GNG12: variants seen among roughly 807,000 people sequenced by gnomAD.
The protein encoded by GNG12 is G protein subunit gamma 12.
For synonymous variants in GNG12, 28 were observed against 29.7 expected (o/e 0.94, Z 0.19); for missense variants, 69 against 83.8 (o/e 0.82, Z 0.69).
At chr1:67,767,784 T>C (rs1178869841) in intron 2 of GNG12, among the ~76,000 whole-genome samples, 1 of 152,252 alleles carries the variant, frequency 6.6e-6, no homozygotes, top group Admixed American at 6.5e-5. Flanking sequence ...TAAGTTTAGT[T>C]GATGTAGCTT....
At chr1:67,787,036 A>AGAGTGTGTGT (rs374559466) in intron 1 of GNG12, among the ~76,000 whole-genome samples, 1 of 131,368 alleles carries the variant, frequency 7.6e-6, no homozygotes, top group Non-Finnish European at 1.6e-5. Flanking sequence ...TATGTGTATA[A>AGAGTGTGTGT]GTGTGTGTGT....
At chr1:67,820,776 T>C (rs1207705366) in intron 1 of GNG12, among the ~76,000 whole-genome samples, 1 of 152,192 alleles carries the variant, frequency 6.6e-6, no homozygotes, top group Non-Finnish European at 1.5e-5. Context: ...AGTGAGAAAG[T>C]GTATGTGAAG....
chr1:67,819,320 T>C (rs1274091533), intron 1 of GNG12, among the ~76,000 whole-genome samples: 1 of 152,084 alleles, frequency 6.6e-6, no homozygotes, highest in Admixed American at 6.5e-5. Flanking sequence ...ATGAGATCAG[T>C]TTTCAGCAAA....
At chr1:67,734,217 C>T (rs1231752014) in intron 2 of GNG12, among the ~76,000 whole-genome samples, 1 of 151,620 alleles carries the variant, frequency 6.6e-6, no homozygotes, top group Non-Finnish European at 1.5e-5. Flanking sequence ...GGGCTGCTAT[C>T]TAGTACAAGC....
intron 3 of GNG12, among the ~76,000 whole-genome samples, chr1:67,706,809 G>A (rs1019562694): frequency 6.6e-6 from 1 of 151,818 alleles, no homozygotes; most frequent in African/African-American, 2.4e-5. Flanking sequence ...GCGTGCGCAC[G>A]CCACCGTGCC....
intron 1 of GNG12, among the ~76,000 whole-genome samples, chr1:67,802,995 T>A (rs1453982176): frequency 6.6e-6 from 1 of 152,192 alleles, no homozygotes; most frequent in East Asian, 1.9e-4. Flanking sequence ...AATGATGAAG[T>A]CCAGAAAAAG....
At chr1:67,719,523 A>C (rs898192486) in intron 2 of GNG12, among the ~76,000 whole-genome samples, 4 of 152,196 alleles carry the variant, frequency 2.6e-5, no homozygotes, top group African/African-American at 9.6e-5. Context: ...GCTTTCAAAA[A>C]GGTCTATAAC....
At position 67,704,413 on chromosome 1, in the gene GNG12, AGAAAGACACAG is replaced by A. The variant is rs1263752372; in HGVS notation, c.*1027_*1037del. 2 of 152,248 alleles carry A rather than the reference AGAAAGACACAG, an allele frequency of 1.3e-5. No individual in the cohort carries two copies. The highest frequency in any genetic ancestry group is 1.9e-4 in the East Asian group (1 of 5,198). 9.4% of individuals were successfully genotyped at this position (152,248 alleles called of 1,614,324 possible). On this transcript the variant is annotated 3_prime_UTR_variant, in exon 4 of 4. Coordinates refer to ENST00000370982, the MANE Select transcript of GNG12 (RefSeq NM_018841.6). ...TGCAAACAGATGCTCTGGTAAGAGA[AGAAAGACACAG>A]GGAAGGCAGAGAGAGCAAGACAGAG... is the stretch of plus-strand genomic sequence containing the variant.
chr1:67,773,076 G>T (rs970412463), intron 2 of GNG12, among the ~76,000 whole-genome samples: 1 of 152,180 alleles, frequency 6.6e-6, no homozygotes, highest in Non-Finnish European at 1.5e-5. Flanking sequence ...TAAGTCAAGA[G>T]ACTAGTTTAA....
chr1:67,710,909 A>G (rs1164635088), intron 2 of GNG12, among the ~76,000 whole-genome samples: 1 of 152,174 alleles, frequency 6.6e-6, no homozygotes, highest in Non-Finnish European at 1.5e-5. Flanking sequence ...TATGTTGAGA[A>G]TAAATGGGTA....
At chr1:67,799,533 C>T (rs891636419) in intron 1 of GNG12, among the ~76,000 whole-genome samples, 1 of 152,106 alleles carries the variant, frequency 6.6e-6, no homozygotes, top group African/African-American at 2.4e-5. Flanking sequence ...ATAAACTTTG[C>T]TAGAGGACTT....
intron 1 of GNG12, among the ~76,000 whole-genome samples, chr1:67,818,966 T>C (rs930022738): frequency 1.3e-5 from 2 of 152,072 alleles, no homozygotes; most frequent in African/African-American, 2.4e-5. Flanking sequence ...TGCGATGCCT[T>C]TGGGGAACTC....
chr1:67,769,236 T>TGG (rs887945274), intron 2 of GNG12, among the ~76,000 whole-genome samples: 2 of 152,078 alleles, frequency 1.3e-5, no homozygotes, highest in African/African-American at 4.8e-5. Flanking sequence ...CACCATGGGT[T>TGG]GGGGGGTCTA....
chr1:67,744,337 C>T (rs926080428), intron 2 of GNG12, among the ~76,000 whole-genome samples: 1 of 152,162 alleles, frequency 6.6e-6, no homozygotes, highest in African/African-American at 2.4e-5. Context: ...CTGGGTTAAA[C>T]AGCAGAGTTT....
chr1:67,738,871 C>T lies in GNG12; in HGVS notation c.-26-31159G>A, dbSNP rs552486587. 5.3e-5 allele frequency among the ~76,000 whole-genome samples: 8 copies of T among 152,158 alleles called. No individual in the cohort carries two copies. The East Asian group carries it at 9.7e-4, about 18-fold the overall frequency. ...TCCATTCTGGGCAACACAGCAACAC[C>T]TTGGCTTTTAAAACAACAGAAATGG... On this transcript the variant is annotated intron_variant, in intron 2 of 3. Transcript: ENST00000370982.
At chr1:67,820,623 G>A (rs940307565) in intron 1 of GNG12, among the ~76,000 whole-genome samples, 12 of 152,104 alleles carry the variant, frequency 7.9e-5, no homozygotes, top group African/African-American at 1.4e-4. Context: ...ACAGCAAAAC[G>A]GTGCCATGAA....
rs192095847 is a variant in GNG12 at position 67,712,289 on chromosome 1, C to G, written c.-26-4577G>C. Reference sequence around the variant, plus strand: ...ACAATACCTGATATTTGTATGGAACCTGTGAGCACACATGTTGCTTGCATA... The same window carrying G: ...ACAATACCTGATATTTGTATGGAACGTGTGAGCACACATGTTGCTTGCATA... On this transcript the variant is annotated intron_variant, in intron 2 of 3. Coordinates refer to ENST00000370982, the MANE Select transcript of GNG12 (RefSeq NM_018841.6). 1.5e-3 allele frequency among the ~76,000 whole-genome samples: 236 copies of G among 152,320 alleles called. 1 individual carries two copies. The highest frequency in any genetic ancestry group is 5.5e-3 in the African/African-American group (227 of 41,556).
At position 67,705,350 on chromosome 1, in the gene GNG12, T is replaced by A; in HGVS notation, c.*101A>T. 6.6e-7 allele frequency: 1 copy of A among 1,511,974 alleles called. No homozygotes were observed. Among genetic ancestry groups the A allele is most frequent in the Non-Finnish European group, 8.8e-7 (1 of 1,134,414 alleles). The allele number at this position is 1,511,974 out of a possible 1,614,324, so 93.7% of individuals were successfully genotyped here. ...TATTCCAAGCTGAGAACATTTTAGT[T>A]ATTAGCAGTGGTTACCAAATAAGCT... is the stretch of plus-strand genomic sequence containing the variant. On this transcript the variant is annotated 3_prime_UTR_variant, in exon 4 of 4. Coordinates refer to ENST00000370982, the MANE Select transcript of GNG12 (RefSeq NM_018841.6).
chr1:67,716,234 C>G (rs1646324687), intron 2 of GNG12, among the ~76,000 whole-genome samples: 1 of 152,186 alleles, frequency 6.6e-6, no homozygotes, highest in African/African-American at 2.4e-5. Flanking sequence ...GAGAACACCT[C>G]TCTCTGAAAA....
Sources: allele counts gnomAD v4.1 joint callset (sites outside exome capture counted in the v4.1 genomes callset), GRCh38; gene constraint gnomAD v4.1.1; transcripts MANE v1.5; gene names NCBI Gene and HGNC (gene_info 2026-07-23, HGNC 2026-07-21).